ALOX12: variants seen among roughly 807,000 people sequenced by gnomAD.
ALOX12 encodes arachidonate 12-lipoxygenase, 12S type.
A neutral mutation model predicts 85.5 loss-of-function variants in ALOX12; 62 were observed. The ratio of observed to expected loss-of-function variants is 0.73; its 90% confidence interval spans 0.59 to 0.90. The LOEUF (loss-of-function observed/expected upper bound fraction) is 0.90, where lower values mean the gene tolerates loss of function less well. Ranked by LOEUF, ALOX12 falls within the 40% of genes least tolerant of loss-of-function variation. The pLI is 0.00. For missense variants in ALOX12, 751 were observed against 856.5 expected (o/e 0.88, Z 1.54); for synonymous variants, 299 against 332.7 (o/e 0.90, Z 1.10).
At chr17:6,999,630 CTA>C in intron 6 of ALOX12, 164 bp downstream of exon 6, 1 of 678,248 alleles carries the variant, frequency 1.5e-6, no homozygotes, top group Non-Finnish European at 2.4e-6. Context: ...GGGGAAGAAA[CTA>C]TGAGGAGCTC....
Position 7,004,075 on chromosome 17 carries a change from T to TA in ALOX12, c.1162-1181dup, listed in dbSNP as rs66486411. Among the ~76,000 whole-genome samples the TA allele has an allele frequency of 1.7e-3, 12 of 7,012 alleles. No homozygotes were observed. The South Asian group carries it at 0.048, about 28-fold the overall frequency. 4.6% of individuals were successfully genotyped at this position (7,012 alleles called of 152,430 possible). A position where few individuals can be genotyped will look rare whatever the true frequency, so the allele number is the denominator to read the frequency against. On this transcript the variant is annotated intron_variant, in intron 8 of 13. Transcript: ENST00000251535. ...ATTTTTAATTTAATAAATTTTAATT[T>TA]ATTAAAATTAAAATTTTAATTTAAT...
intron 8 of ALOX12, among the ~76,000 whole-genome samples, chr17:7,003,366 A>G (rs1908806547): frequency 6.6e-6 from 1 of 152,242 alleles, no homozygotes; most frequent in African/African-American, 2.4e-5. Context: ...TGAGGTTATT[A>G]AAGGTTAAAA....
chr17:7,004,157 T>A lies in ALOX12; in HGVS notation c.1162-1100T>A, dbSNP rs891589977. On this transcript the variant is annotated intron_variant, in intron 8 of 13. Coordinates refer to ENST00000251535, the MANE Select transcript of ALOX12 (RefSeq NM_000697.3). ...TAAATAATTAAAATTTAAATAAATT[T>A]AAATTTAAAATTTAAATTTAATTTT... Among the ~76,000 whole-genome samples the A allele has an allele frequency of 6.0e-3, 693 of 115,544 alleles. 13 individuals are homozygous for A. The highest frequency in any genetic ancestry group is 9.1e-3 in the Non-Finnish European group (515 of 56,296). The allele number at this position is 115,544 out of a possible 152,430, so 75.8% of individuals were successfully genotyped here.
chr17:6,997,233 T>A, intron 2 of ALOX12: 2 of 778,826 alleles, frequency 2.6e-6, no homozygotes, highest in Non-Finnish European at 3.1e-6. Flanking sequence ...AGGCTGCGTG[T>A]GAGGCTGGAG....
At chr17:7,008,576 T>G (rs986754975) in intron 11 of ALOX12, among the ~76,000 whole-genome samples, 11 of 152,112 alleles carry the variant, frequency 7.2e-5, no homozygotes, top group African/African-American at 2.7e-4. Context: ...TGAAACTCCA[T>G]CTCTACTAAA....
chr17:6,999,355 C>T lies in ALOX12; in HGVS notation c.696C>T (p.Phe232=). The T allele has an allele frequency of 6.2e-7, 1 of 1,614,214 alleles. No individual in the cohort carries two copies. Among genetic ancestry groups the T allele is most frequent in the Non-Finnish European group, 8.5e-7 (1 of 1,180,026 alleles). The stretch of plus-strand genomic sequence containing the variant: ...ATGATGAGTTGTTCAGCTACCAGTT[C>T]CTCAATGGTGCCAACCCCATGCTGT... ...WQDDELFSYQ[F]LNGANPMLLR... The change falls in exon 6 of 14, where the codon TTC becomes TTT. Residue 232 remains phenylalanine, a synonymous_variant. Coordinates refer to ENST00000251535, the MANE Select transcript of ALOX12 (RefSeq NM_000697.3).
rs758764573 is a variant in ALOX12 at position 6,996,815 on chromosome 17, G to C, written c.136-11G>C. On this transcript the variant is annotated splice_polypyrimidine_tract_variant and intron_variant, in intron 1 of 13. Coordinates refer to ENST00000251535, the MANE Select transcript of ALOX12 (RefSeq NM_000697.3). ...CTCCTACTAAGTCTGGCCTGGGTCC[G>C]GCCTGCACAGGAGGAGGAGTTTGAT... 6.2e-7 allele frequency: 1 copy of C among 1,608,002 alleles called. No individual in the cohort carries two copies. The highest frequency in any genetic ancestry group is 1.7e-5 in the Admixed American group (1 of 59,770).
In ALOX12 at chr17:7,005,998, T is replaced by C. The variant is rs748151873; in HGVS notation, c.1389T>C (p.Asp463=). 1 of 1,557,102 alleles carries C rather than the reference T, an allele frequency of 6.4e-7. No individual in the cohort carries two copies. Among genetic ancestry groups the C allele is most frequent in the Admixed American group, 1.8e-5 (1 of 55,106 alleles). ...LGLPGALYAH[D]ALRLWEIIAR... is the part of the protein sequence containing the mutation. ...TCCCAGGTGCTCTCTATGCCCATGA[T>C]GCTTTACGGCTCTGGGAGATCATTG... is the stretch of plus-strand genomic sequence containing the variant. Residue 463 remains aspartate (D), a synonymous_variant, in exon 10 of 14, where the codon GAT becomes GAC. Coordinates refer to ENST00000251535, the MANE Select transcript of ALOX12 (RefSeq NM_000697.3).
Position 7,000,276 on chromosome 17 carries a change from C to T in ALOX12, c.808-60C>T, listed in dbSNP as rs1462812573. On this transcript the variant is annotated intron_variant, in intron 6 of 13. Transcript: ENST00000251535. The surrounding 1 kb of genome is among the most constrained non-coding windows in gnomAD (Gnocchi z 4.6). ...CTAGACTAAATCTCTTGCCCTTTGC[C>T]CCGGCCCCCTGGGGGTAGACTTTGA... 11 of 1,593,796 alleles carry T rather than the reference C, an allele frequency of 6.9e-6. No homozygotes were observed. The highest frequency in any genetic ancestry group is 1.1e-5 in the South Asian group (1 of 89,188).
intron 4 of ALOX12, 39 bp from the exon 5 acceptor site, chr17:6,998,914 G>A (rs184184973): frequency 6.2e-7 from 1 of 1,614,054 alleles, no homozygotes; most frequent in South Asian, 1.1e-5. Context: ...GAGGGACTGA[G>A]GGATCAGCTG....
Position 7,010,322 on chromosome 17 carries a change from T to G in ALOX12, c.1891T>G (p.Leu631Val). 6.2e-7 allele frequency: 1 copy of G among 1,614,168 alleles called. No individual in the cohort carries two copies. The highest frequency in any genetic ancestry group is 8.5e-7 in the Non-Finnish European group (1 of 1,180,026). The change falls in exon 14 of 14, where the codon TTG becomes GTG. Residue 631 changes from leucine (L) to valine (V), a missense_variant. Coordinates refer to ENST00000251535, the MANE Select transcript of ALOX12 (RefSeq NM_000697.3). ...KAVLNQFRTD[L>V]EKLEKEITAR... ...TGTGCTAAACCAATTCCGAACAGAT[T>G]TGGAAAAGCTGGAAAAGGAGATTAC...
At chr17:7,006,166 G>T (rs1465812815) in intron 10 of ALOX12, 139 bp downstream of exon 10, 2 of 801,044 alleles carry the variant, frequency 2.5e-6, no homozygotes, top group Non-Finnish European at 3.9e-6. Flanking sequence ...GGAAAAGTGA[G>T]GACACAGTGG....
chr17:6,999,321 G>A lies in ALOX12; in HGVS notation c.662G>A (p.Cys221Tyr), dbSNP rs1010390853. ...KSALAEKVRQ[C>Y]WQDDELFSYQ... is the part of the protein sequence containing the mutation. Reference sequence around the variant, plus strand: ...CCCACCAAAGAGAAGGTTCGCCAGTGCTGGCAGGATGATGAGTTGTTCAGC... The same window carrying A: ...CCCACCAAAGAGAAGGTTCGCCAGTACTGGCAGGATGATGAGTTGTTCAGC... The change falls in exon 6 of 14, where the codon TGC (cysteine) becomes TAC (tyrosine). Residue 221 changes from cysteine (C) to tyrosine (Y), a missense_variant. Physicochemically the swap from Cys to Tyr is radical, Grantham distance 194. Coordinates refer to ENST00000251535, the MANE Select transcript of ALOX12 (RefSeq NM_000697.3). The A allele has an allele frequency of 1.2e-6, 2 of 1,614,250 alleles. No homozygotes were observed. Among genetic ancestry groups the A allele is most frequent in the East Asian group, 4.5e-5 (2 of 44,892 alleles).
At chr17:7,003,113 C>A (rs368670561) in intron 8 of ALOX12, among the ~76,000 whole-genome samples, 6 of 152,302 alleles carry the variant, frequency 3.9e-5, no homozygotes, top group African/African-American at 9.6e-5. Context: ...CTGCTCCACA[C>A]GAACAAGTGA....
At chr17:7,008,372 G>A (rs11571364) in intron 11 of ALOX12, among the ~76,000 whole-genome samples, 6,782 of 152,266 alleles carry the variant, frequency 0.045, 212 homozygotes, top group Middle Eastern at 0.092. Flanking sequence ...TTCAAGATCA[G>A]CCTCTGCCTT....
chr17:6,996,626 C>A (rs1431830478), intron 1 of ALOX12, among the ~76,000 whole-genome samples, 200 bp from the exon 2 acceptor site: 2 of 152,188 alleles, frequency 1.3e-5, no homozygotes, highest in Non-Finnish European at 2.9e-5. Flanking sequence ...AGCATCAGCT[C>A]CAGGCGCTGC....
In ALOX12 at chr17:7,010,013, A is replaced by C. The variant is rs560852503; in HGVS notation, c.1699A>C (p.Thr567Pro). ...ATGCACAATGCGGATGCCCCCACCC[A>C]CCACCAAGGAAGATGTGACGATGGC... ...APCTMRMPPP[T>P]TKEDVTMATV... is the part of the protein sequence containing the mutation. The change falls in exon 13 of 14, where the codon ACC becomes CCC. Residue 567 changes from threonine to proline, a missense_variant. Coordinates refer to ENST00000251535, the MANE Select transcript of ALOX12 (RefSeq NM_000697.3). 3 of 1,614,076 alleles carry C rather than the reference A, an allele frequency of 1.9e-6. No homozygotes were observed. The highest frequency in any genetic ancestry group is 2.5e-6 in the Non-Finnish European group (3 of 1,180,012).
In ALOX12 at chr17:7,010,567, GC is replaced by G; in HGVS notation, c.*147del. 2 of 986,244 alleles carry G rather than the reference GC, an allele frequency of 2.0e-6. No homozygotes were observed. The highest frequency in any genetic ancestry group is 1.4e-6 in the Non-Finnish European group (1 of 696,136). 61.1% of individuals were successfully genotyped at this position (986,244 alleles called of 1,614,324 possible). A position where few individuals can be genotyped will look rare whatever the true frequency, so the allele number is the denominator to read the frequency against. The stretch of plus-strand genomic sequence containing the variant: ...AACCCCCTACATTAGTATCCCACTA[GC>G]CCAGGGGAGCAGTAAACTTTCTCTG... On this transcript the variant is annotated 3_prime_UTR_variant, in exon 14 of 14. Coordinates refer to ENST00000251535, the MANE Select transcript of ALOX12 (RefSeq NM_000697.3).
At chr17:7,004,232 TA>T (rs1483153126) in intron 8 of ALOX12, among the ~76,000 whole-genome samples, 1 of 119,236 alleles carries the variant, frequency 8.4e-6, no homozygotes, top group African/African-American at 2.9e-5. Flanking sequence ...TTTAATTTAA[TA>T]TTAATTTAAC....
Sources: allele counts gnomAD v4.1 joint callset (sites outside exome capture counted in the v4.1 genomes callset), GRCh38; gene constraint gnomAD v4.1.1; non-coding constraint Gnocchi (gnomAD v3.1); transcripts MANE v1.5; gene names NCBI Gene and HGNC (gene_info 2026-07-23, HGNC 2026-07-21).